Variants in DIAPH2 observed in about 807,000 individuals in gnomAD.
DIAPH2 encodes protein diaphanous homolog 2.
In DIAPH2, 35 loss-of-function variants were observed where a neutral mutation model predicts 92.7. That is an observed-to-expected ratio of 0.38 (90% CI 0.29 to 0.50). The LOEUF is 0.50. Among genes scored for constraint, DIAPH2 ranks in the 20% least tolerant of loss-of-function variants. The pLI is 0.94. For missense variants in DIAPH2, 701 were observed against 819.5 expected (o/e 0.86, Z 1.77); for synonymous variants, 301 against 280.4 (o/e 1.07, Z -0.73).
At chrX:96,745,155 C>T (rs941727054) in intron 3 of DIAPH2, among the ~76,000 whole-genome samples, 9 of 109,441 alleles carry the variant, frequency 8.2e-5, no homozygotes, top group African/African-American at 2.3e-4. Context: ...TACAGGCACG[C>T]GCCACCATGC....
chrX:97,460,824 A>G (rs144103107), intron 26 of DIAPH2, among the ~76,000 whole-genome samples: 1,654 of 111,738 alleles, frequency 0.015, 12 homozygotes, highest in Non-Finnish European at 0.024. Flanking sequence ...GTTGAATGGG[A>G]TGGTTATGAT....
At chrX:97,174,151 C>T (rs985990667) in intron 22 of DIAPH2, among the ~76,000 whole-genome samples, 4 of 106,916 alleles carry the variant, frequency 3.7e-5, no homozygotes, top group African/African-American at 1.4e-4. Flanking sequence ...TTTATATGCA[C>T]TCATCTCCTC....
At chrX:96,799,808 AAAAAT>A (rs1410826629) in intron 4 of DIAPH2, among the ~76,000 whole-genome samples, 1 of 110,236 alleles carries the variant, frequency 9.1e-6, no homozygotes, top group Non-Finnish European at 1.9e-5. Flanking sequence ...ACTCCATCTC[AAAAAT>A]AAAATAAAAT....
At chrX:97,374,843 C>T (rs1032532146) in intron 24 of DIAPH2, among the ~76,000 whole-genome samples, 4 of 111,846 alleles carry the variant, frequency 3.6e-5, no homozygotes, top group Non-Finnish European at 7.5e-5. Flanking sequence ...CTCATTTCCA[C>T]CATCTTATGT....
rs779684784 is a variant in DIAPH2, at chrX:96,694,108, C to A, written c.132+8918C>A. 5.3e-5 allele frequency among the ~76,000 whole-genome samples: 6 copies of A among 112,179 alleles called. No individual in the cohort carries two copies. The East Asian group carries it at 1.7e-3, about 31-fold the overall frequency. On this transcript the variant is annotated intron_variant, in intron 1 of 26. Transcript: ENST00000324765. ...ATGTATATTTATGTAATATCCTACACCTGATTACTTTTGCTTTTGAATTAT... is the reference window on the plus strand; with the variant it reads ...ATGTATATTTATGTAATATCCTACAACTGATTACTTTTGCTTTTGAATTAT...
intron 1 of DIAPH2, among the ~76,000 whole-genome samples, chrX:96,688,705 A>G (rs2063784023): frequency 8.9e-6 from 1 of 112,401 alleles, no homozygotes; most frequent in Non-Finnish European, 1.9e-5. Flanking sequence ...CTGAGTACCT[A>G]CTGTGTGCTA....
chrX:96,867,126 G>A (rs192134948), intron 4 of DIAPH2, among the ~76,000 whole-genome samples: 2 of 111,870 alleles, frequency 1.8e-5, no homozygotes, highest in African/African-American at 6.5e-5. Flanking sequence ...GCACTTATGG[G>A]CCAGAACATT....
At chrX:97,247,478 G>A (rs1159079901) in intron 22 of DIAPH2, among the ~76,000 whole-genome samples, 1 of 111,165 alleles carries the variant, frequency 9.0e-6, no homozygotes, top group Non-Finnish European at 1.9e-5. Flanking sequence ...TAATGGCTGA[G>A]TAAAATGGTG....
At chrX:96,838,334 G>T (rs1320918939) in intron 4 of DIAPH2, among the ~76,000 whole-genome samples, 1 of 111,567 alleles carries the variant, frequency 9.0e-6, no homozygotes, top group African/African-American at 3.3e-5. Context: ...TAAGCATGTG[G>T]CCCCTGAGAT....
At chrX:96,916,050 A>AT (rs1212262533) in intron 7 of DIAPH2, among the ~76,000 whole-genome samples, 1 of 111,899 alleles carries the variant, frequency 8.9e-6, no homozygotes, top group African/African-American at 3.2e-5. Flanking sequence ...ATACAAACAT[A>AT]TTGGACAATT....
At chrX:97,333,496 A>G (rs1440570147) in intron 23 of DIAPH2, among the ~76,000 whole-genome samples, 2 of 111,159 alleles carry the variant, frequency 1.8e-5, no homozygotes, top group African/African-American at 6.5e-5. Flanking sequence ...GGTATTGTCA[A>G]TATTCCCCTC....
chrX:97,542,454 A>C (rs1043246672), intron 26 of DIAPH2, among the ~76,000 whole-genome samples: 2 of 112,366 alleles, frequency 1.8e-5, no homozygotes, highest in African/African-American at 6.5e-5. Flanking sequence ...TGGGTATCTT[A>C]TTTGTATTAT....
At chrX:97,456,388 G>GA (rs373802724) in intron 26 of DIAPH2, among the ~76,000 whole-genome samples, 110 of 88,728 alleles carry the variant, frequency 1.2e-3, no homozygotes, top group Middle Eastern at 5.9e-3. Flanking sequence ...CTCCGTCTCA[G>GA]AAAAAAAAAA....
At chrX:96,955,982 C>T (rs772378407) in intron 15 of DIAPH2, among the ~76,000 whole-genome samples, 3 of 112,669 alleles carry the variant, frequency 2.7e-5, no homozygotes, top group Admixed American at 9.3e-5. Context: ...CTAGGCAATG[C>T]CCCAGTGGGG....
intron 17 of DIAPH2, among the ~76,000 whole-genome samples, chrX:96,991,741 C>T (rs764924269): frequency 1.8e-5 from 2 of 109,883 alleles, no homozygotes; most frequent in Non-Finnish European, 3.8e-5. Context: ...GAGGTTAGCA[C>T]GTTATAAAAG....
intron 23 of DIAPH2, among the ~76,000 whole-genome samples, chrX:97,255,876 C>T (rs1285743440): frequency 9.0e-6 from 1 of 111,433 alleles, no homozygotes; most frequent in Non-Finnish European, 1.9e-5. Flanking sequence ...TGAAATTCAC[C>T]CTGAAATTAC....
At chrX:97,197,743 T>G (rs1415476395) in intron 22 of DIAPH2, among the ~76,000 whole-genome samples, 1 of 111,871 alleles carries the variant, frequency 8.9e-6, no homozygotes, top group Non-Finnish European at 1.9e-5. Context: ...ATTAGTAGCT[T>G]CAGCTTAACA....
chrX:96,707,337 G>A (rs1185273072), intron 1 of DIAPH2, among the ~76,000 whole-genome samples: 20 of 107,603 alleles, frequency 1.9e-4, no homozygotes, highest in Admixed American at 1.3e-3. Flanking sequence ...CCCAGCTAAC[G>A]TTTTTGTATT....
At chrX:97,454,443 A>G (rs1294164074) in intron 26 of DIAPH2, among the ~76,000 whole-genome samples, 1 of 112,104 alleles carries the variant, frequency 8.9e-6, no homozygotes, top group Non-Finnish European at 1.9e-5. Flanking sequence ...GGAGTGAAAT[A>G]CACCAAAATA....
Sources: allele counts gnomAD v4.1 joint callset (sites outside exome capture counted in the v4.1 genomes callset), GRCh38; gene constraint gnomAD v4.1.1; transcripts MANE v1.5; gene names NCBI Gene and HGNC (gene_info 2026-07-23, HGNC 2026-07-21).